The following UST variants were observed in gnomAD, a reference collection of about 807,000 sequenced individuals.
UST encodes the protein uronyl 2-sulfotransferase, also known as chondroitin sulfate 2-O-sulfotransferase.
Under a neutral mutation model 45.6 loss-of-function variants are expected in UST, and 21 were observed. The ratio of observed to expected loss-of-function variants is 0.46; its 90% CI spans 0.33 to 0.66. The LOEUF (loss-of-function observed/expected upper bound fraction) is 0.66, where lower values mean the gene tolerates loss of function less well. Ranked by LOEUF, UST falls within the 30% of genes least tolerant of loss-of-function variation. The pLI is 0.02. For missense variants in UST, 463 were observed against 512.4 expected (o/e 0.90, Z 0.93); for synonymous variants, 215 against 200.6 (o/e 1.07, Z -0.61).
At chr6:148,871,117 C>CTCTCTCTCTCT (rs1778543531) in intron 1 of UST, among the ~76,000 whole-genome samples, 60 of 97,586 alleles carry the variant, frequency 6.1e-4, no homozygotes, top group African/African-American at 2.4e-3. Context: ...GCATTCTCTC[C>CTCTCTCTCTCT]CTCTCTCTCT....
At chr6:148,912,494 T>C (rs892582696) in intron 2 of UST, among the ~76,000 whole-genome samples, 1 of 152,254 alleles carries the variant, frequency 6.6e-6, no homozygotes, top group Non-Finnish European at 1.5e-5. Flanking sequence ...TCAATAACTC[T>C]AGCCATGTAG....
chr6:148,768,529 T>C (rs905454581), intron 1 of UST, among the ~76,000 whole-genome samples: 3 of 152,240 alleles, frequency 2.0e-5, no homozygotes, highest in African/African-American at 7.2e-5. Context: ...AAAAGACTTA[T>C]ATCCCATCAG....
intron 1 of UST, among the ~76,000 whole-genome samples, chr6:148,882,429 T>A (rs781419577): frequency 7.3e-6 from 1 of 136,080 alleles, no homozygotes; most frequent in Non-Finnish European, 1.5e-5. Flanking sequence ...GAGGCTGCAG[T>A]GAGCCGAGAT....
chr6:149,021,209 A>G, intron 6 of UST, 115 bp from the exon 7 acceptor site: 2 of 1,209,658 alleles, frequency 1.7e-6, no homozygotes, highest in Non-Finnish European at 2.3e-6. Flanking sequence ...CTTGAGGGAA[A>G]CAGGATTTGG....
rs760698349 is a variant in UST, at chr6:148,894,814, C to CTTTTTTTTTTT, written c.291+7797_291+7807dup. Among the ~76,000 whole-genome samples the CTTTTTTTTTTT allele has an allele frequency of 1.4e-4, 13 of 93,704 alleles. 2 individuals are homozygous for CTTTTTTTTTTT. Among genetic ancestry groups the CTTTTTTTTTTT allele is most frequent in the African/African-American group, 3.2e-4 (7 of 22,172 alleles). The allele number at this position is 93,704 out of a possible 152,430, so 61.5% of individuals were successfully genotyped here. A position where few individuals can be genotyped will look rare whatever the true frequency, so the allele number is the denominator to read the frequency against. ...GAAGCTTATCAGGATAATTTCAGTG[C>CTTTTTTTTTTT]TTTTTTTTTTTTTTTTTTTTTTGAG... is the stretch of plus-strand genomic sequence containing the variant. On this transcript the variant is annotated intron_variant, in intron 2 of 7. Transcript: ENST00000367463.
chr6:148,994,682 T>A (rs1279773545), intron 5 of UST, among the ~76,000 whole-genome samples: 3 of 152,168 alleles, frequency 2.0e-5, no homozygotes, highest in Admixed American at 1.3e-4. Flanking sequence ...GTCTTTACAG[T>A]CCTACTTTGT....
At chr6:148,845,060 G>A (rs1322009466) in intron 1 of UST, among the ~76,000 whole-genome samples, 1 of 152,140 alleles carries the variant, frequency 6.6e-6, no homozygotes, top group Non-Finnish European at 1.5e-5. Flanking sequence ...TTGATTCCAT[G>A]TCTTTGCTAT....
intron 1 of UST, among the ~76,000 whole-genome samples, chr6:148,882,910 G>A (rs1380049836): frequency 6.6e-6 from 1 of 152,212 alleles, no homozygotes; most frequent in Non-Finnish European, 1.5e-5. Flanking sequence ...CAGAATAGGA[G>A]GTGCTCTGTA....
At chr6:149,032,263 C>T (rs1021462199) in intron 7 of UST, among the ~76,000 whole-genome samples, 6 of 152,174 alleles carry the variant, frequency 3.9e-5, no homozygotes, top group African/African-American at 1.2e-4. Flanking sequence ...CCCAAGCTCC[C>T]TGGCTTCCTA....
At chr6:148,827,087 T>C (rs990813476) in intron 1 of UST, among the ~76,000 whole-genome samples, 4 of 152,212 alleles carry the variant, frequency 2.6e-5, no homozygotes, top group African/African-American at 9.7e-5. Flanking sequence ...AAGGGCATTG[T>C]TGATACCGCC....
intron 7 of UST, among the ~76,000 whole-genome samples, chr6:149,047,076 G>A (rs1371906566): frequency 3.9e-5 from 6 of 152,080 alleles, no homozygotes; most frequent in Non-Finnish European, 8.8e-5. Context: ...TGCAAATGTC[G>A]AGGTCACATG....
chr6:148,914,297 G>A (rs1260513262), intron 2 of UST, among the ~76,000 whole-genome samples: 4 of 149,074 alleles, frequency 2.7e-5, no homozygotes, highest in South Asian at 2.1e-4. Flanking sequence ...AATCTTACCC[G>A]AAACTCGATT....
intron 2 of UST, among the ~76,000 whole-genome samples, chr6:148,898,841 C>T (rs1779187785): frequency 6.6e-6 from 1 of 152,162 alleles, no homozygotes; most frequent in African/African-American, 2.4e-5. Flanking sequence ...GCCTCAGTTA[C>T]AAAATCATGA....
intron 7 of UST, among the ~76,000 whole-genome samples, chr6:149,054,579 T>TG (rs1431058911): frequency 2.4e-4 from 37 of 152,154 alleles, no homozygotes; most frequent in African/African-American, 8.4e-4. Context: ...TCTGCTATTG[T>TG]CGGGGGGCAG....
At chr6:148,912,128 C>A (rs183658049) in intron 2 of UST, among the ~76,000 whole-genome samples, 1 of 152,174 alleles carries the variant, frequency 6.6e-6, no homozygotes, top group Non-Finnish European at 1.5e-5. Flanking sequence ...ACCTTGGAGA[C>A]GGAGGTTGCA....
At chr6:149,023,433 C>G (rs1776008937) in intron 7 of UST, among the ~76,000 whole-genome samples, 1 of 152,190 alleles carries the variant, frequency 6.6e-6, no homozygotes, top group South Asian at 2.1e-4. Flanking sequence ...AACTGCAGCC[C>G]CAACCAACAT....
chr6:148,902,916 G>A (rs1163115993), intron 2 of UST, among the ~76,000 whole-genome samples: 1 of 151,980 alleles, frequency 6.6e-6, no homozygotes, highest in Non-Finnish European at 1.5e-5. Flanking sequence ...GTTGTTCTCT[G>A]AATGTTCCTT....
In UST at chr6:148,948,832, G is replaced by A. The variant is rs551479177; in HGVS notation, c.448-5040G>A. 1.4e-4 allele frequency among the ~76,000 whole-genome samples: 21 copies of A among 151,974 alleles called. No homozygotes were observed. In the South Asian group the frequency reaches 1.7e-3, roughly 12 times the overall value. On this transcript the variant is annotated intron_variant, in intron 3 of 7. Coordinates refer to ENST00000367463, the MANE Select transcript of UST (RefSeq NM_005715.3). ...AAAGGTTATGTATAGATCAAATCTC[G>A]GTGGGAATGGTGAATAGATTGCAGC... is the stretch of plus-strand genomic sequence containing the variant.
At chr6:149,048,451 G>A (rs1397330724) in intron 7 of UST, among the ~76,000 whole-genome samples, 5 of 151,560 alleles carry the variant, frequency 3.3e-5, no homozygotes, top group African/African-American at 1.2e-4. Context: ...CAGGAGAATC[G>A]CTTGAACCTG....
Sources: allele counts gnomAD v4.1 joint callset (sites outside exome capture counted in the v4.1 genomes callset), GRCh38; gene constraint gnomAD v4.1.1; transcripts MANE v1.5; gene names NCBI Gene and HGNC (gene_info 2026-07-23, HGNC 2026-07-21).